The following LDB2 variants were observed in gnomAD, a reference collection of about 807,000 sequenced individuals.
LDB2 encodes LIM domain-binding protein 2.
In LDB2, 12 loss-of-function variants were observed where a neutral mutation model predicts 44.3. That is an observed-to-expected ratio of 0.27 (90% CI 0.17 to 0.44). The LOEUF (loss-of-function observed/expected upper bound fraction) is 0.44. Among genes scored for constraint, LDB2 ranks in the 20% least tolerant of loss-of-function variants. The probability of loss-of-function intolerance (pLI) is 1.00; values close to 1 mark genes in which losing one functional copy is unlikely to be tolerated. For missense variants in LDB2, 344 were observed against 473.5 expected (o/e 0.73, Z 2.54); for synonymous variants, 164 against 174.8 (o/e 0.94, Z 0.49).
rs1189579680 is a variant in LDB2 at position 16,572,587 on chromosome 4, A to ATG, written c.615+13333_615+13334dup. 9.2e-5 allele frequency among the ~76,000 whole-genome samples: 14 copies of ATG among 152,012 alleles called. No individual in the cohort carries two copies. In the East Asian group the frequency reaches 1.7e-3, roughly 19 times the overall value. On this transcript the variant is annotated intron_variant, in intron 5 of 7. Coordinates refer to ENST00000304523, the MANE Select transcript of LDB2 (RefSeq NM_001290.5). ...TATGTATTTGTTGTTTTGTATATAT[A>ATG]TGTGTGTGTGTGTATTTTTTTTAAT...
intron 5 of LDB2, among the ~76,000 whole-genome samples, chr4:16,552,889 A>C (rs1370928098): frequency 6.6e-6 from 1 of 152,238 alleles, no homozygotes; most frequent in Non-Finnish European, 1.5e-5. Flanking sequence ...CTAAGTAAAC[A>C]CAGCCTAGGA....
intron 5 of LDB2, among the ~76,000 whole-genome samples, chr4:16,550,292 C>A (rs1737220095): frequency 6.6e-6 from 1 of 152,142 alleles, no homozygotes; most frequent in Non-Finnish European, 1.5e-5. Context: ...TCCCTATACC[C>A]AATAAATCAT....
intron 1 of LDB2, among the ~76,000 whole-genome samples, chr4:16,857,634 C>G (rs145521837): frequency 0.012 from 1,804 of 152,270 alleles, 15 homozygotes; most frequent in Middle Eastern, 0.037. Context: ...TCCCATGACA[C>G]GCTGAGACCC....
chr4:16,779,604 G>A (rs900422302), intron 1 of LDB2, among the ~76,000 whole-genome samples: 11 of 152,160 alleles, frequency 7.2e-5, no homozygotes, highest in South Asian at 2.1e-4. Context: ...ACATGGCTGC[G>A]TCCTCATATA....
intron 2 of LDB2, among the ~76,000 whole-genome samples, chr4:16,611,585 T>C (rs938443425): frequency 6.7e-6 from 1 of 148,934 alleles, no homozygotes; most frequent in Admixed American, 6.7e-5. Context: ...CACAAAACAC[T>C]TTAAACCAAC....
At chr4:16,823,600 C>T (rs1782504145) in intron 1 of LDB2, among the ~76,000 whole-genome samples, 1 of 152,182 alleles carries the variant, frequency 6.6e-6, no homozygotes. Flanking sequence ...GTGATGATGC[C>T]TGCACCCATA....
chr4:16,658,020 C>T (rs1018617178), intron 2 of LDB2, among the ~76,000 whole-genome samples: 4 of 152,062 alleles, frequency 2.6e-5, no homozygotes, highest in East Asian at 3.9e-4. Context: ...TTTTATGTTA[C>T]GAGTATATTG....
rs551376512 is a variant in LDB2, at chr4:16,797,875, A to T, written c.133-38615T>A. Among the ~76,000 whole-genome samples, 11 of 151,896 alleles carry T rather than the reference A, an allele frequency of 7.2e-5. No individual in the cohort carries two copies. In the South Asian group the frequency reaches 1.5e-3, roughly 20 times the overall value. On this transcript the variant is annotated intron_variant, in intron 1 of 7. Coordinates refer to ENST00000304523, the MANE Select transcript of LDB2 (RefSeq NM_001290.5). ...CATGGTGAAACCCTGTCTCTACTAA[A>T]AATACAAAAATTAGCCAGGCATGGT...
chr4:16,806,725 T>C (rs1000153020), intron 1 of LDB2, among the ~76,000 whole-genome samples: 1 of 152,194 alleles, frequency 6.6e-6, no homozygotes, highest in Admixed American at 6.5e-5. Context: ...TATGGCTGTT[T>C]AGGGTTGAGT....
chr4:16,774,372 T>C (rs1771438185), intron 1 of LDB2, among the ~76,000 whole-genome samples: 1 of 152,162 alleles, frequency 6.6e-6, no homozygotes, highest in Non-Finnish European at 1.5e-5. Context: ...GGGAACCTCA[T>C]GGTGACTATT....
intron 2 of LDB2, among the ~76,000 whole-genome samples, chr4:16,682,850 G>A (rs1447924096): frequency 6.6e-6 from 1 of 152,158 alleles, no homozygotes; most frequent in Non-Finnish European, 1.5e-5. Flanking sequence ...AACCAAGATG[G>A]GAAACAGCGT....
intron 5 of LDB2, among the ~76,000 whole-genome samples, chr4:16,572,095 G>A (rs1015338002): frequency 6.6e-6 from 1 of 152,196 alleles, no homozygotes; most frequent in Non-Finnish European, 1.5e-5. Context: ...TGTTGACTGA[G>A]TTCACTAAGC....
intron 2 of LDB2, among the ~76,000 whole-genome samples, chr4:16,709,627 T>C (rs532570256): frequency 1.3e-5 from 2 of 152,338 alleles, no homozygotes; most frequent in African/African-American, 4.8e-5. Context: ...AGTGTTTTGT[T>C]TGATTTGCAC....
intron 2 of LDB2, among the ~76,000 whole-genome samples, chr4:16,705,465 T>C (rs1754395067): frequency 6.6e-6 from 1 of 152,122 alleles, no homozygotes; most frequent in South Asian, 2.1e-4. Context: ...TCCCCTCTAG[T>C]AATTTGCTGT....
At chr4:16,528,723 T>C (rs1337425729) in intron 5 of LDB2, among the ~76,000 whole-genome samples, 2 of 152,100 alleles carry the variant, frequency 1.3e-5, no homozygotes, top group Non-Finnish European at 2.9e-5. Flanking sequence ...GAGCAGAAGA[T>C]GTTAAGAGGA....
At chr4:16,563,666 G>A (rs1479489495) in intron 5 of LDB2, among the ~76,000 whole-genome samples, 1 of 149,150 alleles carries the variant, frequency 6.7e-6, no homozygotes, top group Non-Finnish European at 1.5e-5. Flanking sequence ...CACCATGTTA[G>A]CCGGGATGGT....
chr4:16,795,543 A>G (rs1424226193), intron 1 of LDB2, among the ~76,000 whole-genome samples: 1 of 152,144 alleles, frequency 6.6e-6, no homozygotes, highest in African/African-American at 2.4e-5. Flanking sequence ...CCTTAACAGC[A>G]TTTGAGGTGG....
intron 1 of LDB2, among the ~76,000 whole-genome samples, chr4:16,794,482 A>G (rs996619896): frequency 6.6e-6 from 1 of 152,144 alleles, no homozygotes; most frequent in African/African-American, 2.4e-5. Flanking sequence ...GATGCAGGCC[A>G]AGGGTTCTGA....
intron 2 of LDB2, among the ~76,000 whole-genome samples, chr4:16,708,524 T>C (rs1432776909): frequency 6.6e-6 from 1 of 152,128 alleles, no homozygotes; most frequent in African/African-American, 2.4e-5. Flanking sequence ...TACCCACTAC[T>C]TACCACCTAC....
Sources: gnomAD v4.1 joint callset for allele counts (sites outside exome capture counted in the v4.1 genomes callset) on GRCh38, gnomAD v4.1.1 for gene constraint, MANE v1.5 for transcripts, NCBI Gene and HGNC (gene_info 2026-07-23, HGNC 2026-07-21) for gene names.